The following NEB variants were observed in gnomAD, a reference collection of about 807,000 sequenced individuals.
The protein encoded by NEB is nebulin.
A neutral mutation model predicts 952.2 loss-of-function variants in NEB; 512 were observed. The ratio of observed to expected loss-of-function variants is 0.54; its 90% confidence interval spans 0.50 to 0.58. The LOEUF (loss-of-function observed/expected upper bound fraction) is 0.58, where lower values mean the gene tolerates loss of function less well. Ranked by LOEUF, NEB falls within the 20% of genes least tolerant of loss-of-function variation. The pLI is 0.00. For missense variants in NEB, 8,428 were observed against 9,231.1 expected, an observed-to-expected ratio of 0.91 and a Z score of 3.56; for synonymous variants, 2,900 against 3,149.8, an observed-to-expected ratio of 0.92 and a Z score of 2.66.
At position 151,674,518 on chromosome 2, in the gene NEB, G is replaced by A. The variant is rs1343885981; in HGVS notation, c.3946C>T (p.Pro1316Ser). ...KGNNVLGDAI[P>S]ITAAKASRNI... ...CTCGATGCCTTGGCTGCAGTGATGG[G>A]AATAGCATCGCCCAGCACATTGTTG... The change falls in exon 36 of 182, where the codon CCC becomes TCC. Residue 1316 changes from proline (P) to serine (S), a missense_variant. By Grantham distance (74) the Pro-to-Ser change is moderately conservative. Around this residue, in one of 11 missense-constraint regions of NEB, gnomAD observed 2,851 missense variants for 2,791.5 expected, o/e 1.02. Coordinates refer to ENST00000397345, the MANE Select transcript of NEB (RefSeq NM_001164508.2). The A allele has an allele frequency of 6.2e-7, 1 of 1,613,980 alleles. No individual in the cohort carries two copies. The highest frequency in any genetic ancestry group is 8.5e-7 in the Non-Finnish European group (1 of 1,179,874).
intron 107 of NEB, among the ~76,000 whole-genome samples, chr2:151,571,158 A>T (rs1238041488): frequency 3.3e-5 from 5 of 152,172 alleles, no homozygotes; most frequent in African/African-American, 1.2e-4. Flanking sequence ...GGCATGCGCC[A>T]CCAGGCCCAG....
At position 151,640,331 on chromosome 2, in the gene NEB, G is replaced by A. The variant is rs760511955; in HGVS notation, c.8685+24C>T. ...GTTAAATAATTTCCCACCTCTGCAC[G>A]TTATTATGACTCTCAGTACTCACAT... is the stretch of plus-strand genomic sequence containing the variant. On this transcript the variant is annotated intron_variant, in intron 61 of 181. Transcript: ENST00000397345. 2.6e-5 allele frequency: 42 copies of A among 1,607,294 alleles called. 1 individual carries two copies. Among genetic ancestry groups the A allele is most frequent in the Middle Eastern group, 1.7e-4 (1 of 6,046 alleles).
At chr2:151,633,546 C>T in intron 65 of NEB, 108 bp downstream of exon 65, 1 of 1,392,896 alleles carries the variant, frequency 7.2e-7, no homozygotes, top group Non-Finnish European at 9.6e-7. Flanking sequence ...AAATCTTATT[C>T]ATGGACCAAT....
At position 151,547,632 on chromosome 2, in the gene NEB, A is replaced by C. The variant is rs2153617573; in HGVS notation, c.20262+2T>G. On this transcript the variant is annotated splice_donor_variant, in intron 132 of 181. Coordinates refer to ENST00000397345, the MANE Select transcript of NEB (RefSeq NM_001164508.2). LOFTEE classifies it high-confidence loss of function. ...CCCTGTCTTTCCTAAGAAAATACCC[A>C]CCTCACTGACAGCCTCTTGTGTCTT... 1 of 1,613,166 alleles carries C rather than the reference A, an allele frequency of 6.2e-7. No individual in the cohort carries two copies. The highest frequency in any genetic ancestry group is 8.5e-7 in the Non-Finnish European group (1 of 1,179,396).
chr2:151,697,375 A>G lies in NEB; in HGVS notation c.1340T>C (p.Met447Thr). ...SFEDPYHSHC[M>T]KVTAQNSDKN... ...ATCACTGTTTTGAGCTGTGACTTTC[A>G]TGCAGTGTGAATGGTATGGATCCTC... Residue 447 changes from methionine (M) to threonine (T), a missense_variant, in exon 15 of 182, where the codon ATG (methionine) becomes ACG (threonine). Met to Thr is a moderately conservative substitution (Grantham distance 81, BLOSUM62 -1). Coordinates refer to ENST00000397345, the MANE Select transcript of NEB (RefSeq NM_001164508.2). 6.2e-7 allele frequency: 1 copy of G among 1,613,954 alleles called. No individual in the cohort carries two copies. Among genetic ancestry groups the G allele is most frequent in the East Asian group, 2.2e-5 (1 of 44,878 alleles).
At position 151,697,412 on chromosome 2, in the gene NEB, C is replaced by A. The variant is rs763255052; in HGVS notation, c.1303G>T (p.Val435Leu). ...TGGTATGGATCCTCGAAGCTGCCTACATAATGTCCCAAAATATCTTTTAAG... is the reference window on the plus strand; with the variant it reads ...TGGTATGGATCCTCGAAGCTGCCTAAATAATGTCCCAAAATATCTTTTAAG... ...SYLKDILGHYVGSFEDPYHSH... is the reference protein window; with the variant it reads ...SYLKDILGHYLGSFEDPYHSH... The change falls in exon 15 of 182, where the codon GTA becomes TTA. Residue 435 changes from valine to leucine, a missense_variant. Transcript: ENST00000397345. 1 of 1,613,936 alleles carries A rather than the reference C, an allele frequency of 6.2e-7. No individual in the cohort carries two copies. Among genetic ancestry groups the A allele is most frequent in the Non-Finnish European group, 8.5e-7 (1 of 1,179,844 alleles).
rs2095988951 is a variant in NEB, at chr2:151,560,797, T to G, written c.19207-98A>C. The G allele has an allele frequency of 8.0e-6, 7 of 876,534 alleles. No homozygotes were observed. In the Admixed American group the frequency reaches 1.7e-4, roughly 21 times the overall value. 54.3% of individuals were successfully genotyped at this position (876,534 alleles called of 1,614,324 possible). ...TTCTGTGTCTGTCCTTCTCACACAC[T>G]CCCTACTAACTCCCAGGACTCCTCT... On this transcript the variant is annotated intron_variant, in intron 123 of 181. Transcript: ENST00000397345.
Position 151,581,578 on chromosome 2 carries a change from G to A in NEB, c.16189C>T (p.Arg5397Cys), listed in dbSNP as rs973719257. The A allele has an allele frequency of 1.5e-5, 12 of 814,430 alleles. No individual in the cohort carries two copies. Among genetic ancestry groups the A allele is most frequent in the Non-Finnish European group, 1.6e-5 (8 of 511,034 alleles). The allele number at this position is 814,430 out of a possible 1,614,324, so 50.5% of individuals were successfully genotyped here. Residue 5397 changes from arginine (R) to cysteine (C), a missense_variant, in exon 103 of 182, where the codon CGC (arginine) becomes TGC (cysteine). Physicochemically the swap from Arg to Cys is radical, Grantham distance 180 (BLOSUM62 -3). Transcript: ENST00000397345. ...NAVQISEPLY[R>C]DAWEKEKANV... ...GCCTTCTCTTTCTCCCAGGCATCGC[G>A]ATACAATGGCTGGGAAAAATGAAAA...
rs1024147600 is a variant in NEB at position 151,570,722 on chromosome 2, A to G, written c.17014-121T>C. On this transcript the variant is annotated intron_variant, in intron 107 of 181. Transcript: ENST00000397345. Reference sequence around the variant, plus strand: ...AAGCCCAAGGACTTGAGAGCAGTTAAAGAAGAGCATAGATGAGAATCATTC... The same window carrying G: ...AAGCCCAAGGACTTGAGAGCAGTTAGAGAAGAGCATAGATGAGAATCATTC... The G allele has an allele frequency of 1.7e-5, 14 of 845,358 alleles. No individual in the cohort carries two copies. The Admixed American group carries it at 2.1e-4, about 13-fold the overall frequency. The allele number at this position is 845,358 out of a possible 1,614,324, so 52.4% of individuals were successfully genotyped here.
intron 107 of NEB, among the ~76,000 whole-genome samples, chr2:151,574,516 G>C (rs573084437): frequency 1.3e-5 from 2 of 152,182 alleles, no homozygotes; most frequent in Admixed American, 1.3e-4. Flanking sequence ...AAATAAGAAT[G>C]GGTATTGGAT....
rs2099813081 is a variant in NEB, at chr2:151,733,133, C to T, written c.24G>A (p.Glu8=). 1.2e-6 allele frequency: 2 copies of T among 1,604,818 alleles called. No homozygotes were observed. Among genetic ancestry groups the T allele is most frequent in the East Asian group, 4.5e-5 (2 of 44,734 alleles). MADDEDY[E]EVVEYYTEEV... is the part of the protein sequence containing the mutation. ...TTTTAAATCTTACCTCCACCACCTC[C>T]TCATAGTCTTCGTCATCTGCCATTT... The change falls in exon 3 of 182, where the codon GAG becomes GAA. Residue 8 remains glutamate, a synonymous_variant. Coordinates refer to ENST00000397345, the MANE Select transcript of NEB (RefSeq NM_001164508.2).
chr2:151,512,877 T>C (rs2075542359), intron 160 of NEB, 40 bp from the exon 161 acceptor site: 2 of 1,377,022 alleles, frequency 1.5e-6, no homozygotes, highest in African/African-American at 1.4e-5. Flanking sequence ...ATGTTTGCAA[T>C]GTGCACAACA....
intron 171 of NEB, 182 bp downstream of exon 171, chr2:151,497,442 GTA>G: frequency 1.0e-6 from 1 of 980,868 alleles, no homozygotes; most frequent in Non-Finnish European, 1.2e-6. Context: ...GAAATTAACT[GTA>G]TTATAGAAAT....
chr2:151,543,984 T>G (rs1051433653), intron 135 of NEB, among the ~76,000 whole-genome samples: 1 of 152,184 alleles, frequency 6.6e-6, no homozygotes, highest in Non-Finnish European at 1.5e-5. Context: ...AACTCAATGT[T>G]TTCCAAACTT....
At chr2:151,493,516 G>GTGTTATGGCTCA (rs2058125930) in intron 175 of NEB, 71 bp from the exon 176 acceptor site, 1 of 993,162 alleles carries the variant, frequency 1.0e-6, no homozygotes, top group Non-Finnish European at 1.5e-6. Context: ...CACTTAGCTG[G>GTGTTATGGCTCA]TGTTATGGCT....
intron 135 of NEB, among the ~76,000 whole-genome samples, chr2:151,543,474 A>G (rs1284062149): frequency 1.3e-5 from 2 of 152,246 alleles, no homozygotes; most frequent in Admixed American, 1.3e-4. Flanking sequence ...AAGTAAATCA[A>G]CAACTCTTAG....
chr2:151,496,508 A>ACC, intron 172 of NEB, 140 bp from the exon 173 acceptor site: 2 of 1,444,584 alleles, frequency 1.4e-6, no homozygotes, highest in East Asian at 5.0e-5. Context: ...ACAAAATGCC[A>ACC]CCAGCTACTT....
intron 8 of NEB, among the ~76,000 whole-genome samples, chr2:151,723,746 C>CTTTTTTTTTTTTTTT (rs1336447502): frequency 5.4e-5 from 3 of 55,908 alleles, no homozygotes; most frequent in African/African-American, 1.5e-4. Flanking sequence ...TACCTGCCTT[C>CTTTTTTTTTTTTTTT]TTTGTTTTTT....
At chr2:151,554,873 G>T in intron 125 of NEB, 58 bp downstream of exon 125, 1 of 1,200,502 alleles carries the variant, frequency 8.3e-7, no homozygotes, top group South Asian at 1.2e-5. Context: ...ATCACATAAC[G>T]AGCGGCACAT....
Sources: allele counts gnomAD v4.1 joint callset (sites outside exome capture counted in the v4.1 genomes callset), GRCh38; gene constraint gnomAD v4.1.1; regional missense constraint gnomAD v4.1.1; transcripts MANE v1.5; gene names NCBI Gene and HGNC (gene_info 2026-07-23, HGNC 2026-07-21).